CADM2: variants seen among roughly 807,000 people sequenced by gnomAD.
CADM2 encodes the protein cell adhesion molecule 2.
In CADM2, 12 loss-of-function variants were observed where a neutral mutation model predicts 49.8. That is an observed-to-expected ratio of 0.24 (90% CI 0.15 to 0.39). CADM2 has a LOEUF of 0.39. CADM2 is among the 10% of genes least tolerant of loss of function. The probability of loss-of-function intolerance (pLI) is 1.00; values close to 1 mark genes in which losing one functional copy is unlikely to be tolerated. For missense variants in CADM2, 378 were observed against 492.3 expected (o/e 0.77, Z 2.20); for synonymous variants, 214 against 175.4 (o/e 1.22, Z -1.74).
At chr3:85,082,222 G>T (rs1280323118) in intron 1 of CADM2, among the ~76,000 whole-genome samples, 1 of 152,112 alleles carries the variant, frequency 6.6e-6, no homozygotes, top group Non-Finnish European at 1.5e-5. Flanking sequence ...AGGCAGCAAA[G>T]AAGCATTGTA....
intron 1 of CADM2, among the ~76,000 whole-genome samples, chr3:85,163,989 A>G (rs1224710814): frequency 6.6e-6 from 1 of 152,004 alleles, no homozygotes; most frequent in Admixed American, 6.6e-5. Flanking sequence ...TTCTGTTTCT[A>G]TATATTTTTA....
intron 1 of CADM2, among the ~76,000 whole-genome samples, chr3:85,055,791 A>G (rs925879787): frequency 6.6e-6 from 1 of 151,996 alleles, no homozygotes; most frequent in Non-Finnish European, 1.5e-5. Context: ...GCACACTTTG[A>G]GTAGCTCTGG....
chr3:84,988,185 G>T (rs1223844256), intron 1 of CADM2, among the ~76,000 whole-genome samples: 1 of 152,232 alleles, frequency 6.6e-6, no homozygotes, highest in Non-Finnish European at 1.5e-5. Flanking sequence ...GAAACAAAGA[G>T]AGAGGGAGAG....
chr3:85,909,790 A>T (rs1336541555), intron 5 of CADM2, among the ~76,000 whole-genome samples: 1 of 152,190 alleles, frequency 6.6e-6, no homozygotes, highest in Non-Finnish European at 1.5e-5. Context: ...ATGTAAAGAA[A>T]ATTTCTGTTG....
intron 1 of CADM2, among the ~76,000 whole-genome samples, chr3:85,416,741 C>T (rs1254363650): frequency 3.3e-5 from 5 of 152,120 alleles, no homozygotes; most frequent in Non-Finnish European, 4.4e-5. Flanking sequence ...ATATGTATCA[C>T]ATTATAAGTC....
At chr3:85,498,323 G>T (rs935434393) in intron 1 of CADM2, among the ~76,000 whole-genome samples, 2 of 152,068 alleles carry the variant, frequency 1.3e-5, no homozygotes, top group African/African-American at 2.4e-5. Context: ...AACAACAACT[G>T]TTAGATAAGC....
At chr3:85,478,435 T>A (rs931097056) in intron 1 of CADM2, among the ~76,000 whole-genome samples, 1 of 151,884 alleles carries the variant, frequency 6.6e-6, no homozygotes, top group Non-Finnish European at 1.5e-5. Context: ...AAAACATGAG[T>A]ATGGTAATAT....
At chr3:85,534,659 A>G (rs1038097323) in intron 1 of CADM2, among the ~76,000 whole-genome samples, 2 of 152,184 alleles carry the variant, frequency 1.3e-5, no homozygotes, top group Non-Finnish European at 2.9e-5. Context: ...TGCAAAAGAC[A>G]TCTGCTGGCC....
chr3:85,338,928 G>A (rs1419877528), intron 1 of CADM2, among the ~76,000 whole-genome samples: 2 of 151,518 alleles, frequency 1.3e-5, no homozygotes, highest in African/African-American at 4.8e-5. Context: ...GGATGTTTAA[G>A]TTTTAAATAA....
chr3:85,176,200 G>A (rs181289074), intron 1 of CADM2, among the ~76,000 whole-genome samples: 28 of 152,042 alleles, frequency 1.8e-4, no homozygotes, highest in African/African-American at 6.0e-4. Context: ...TTCTAAGAAA[G>A]GTTTTGTCTT....
chr3:85,162,983 G>T (rs1030769345), intron 1 of CADM2, among the ~76,000 whole-genome samples: 2 of 151,884 alleles, frequency 1.3e-5, no homozygotes, highest in African/African-American at 4.8e-5. Flanking sequence ...ACAATTTGAT[G>T]ATCATCTACC....
chr3:85,420,372 C>T (rs1268662564), intron 1 of CADM2, among the ~76,000 whole-genome samples: 1 of 152,082 alleles, frequency 6.6e-6, no homozygotes, highest in African/African-American at 2.4e-5. Context: ...TTAGTTCTAC[C>T]TTTTGTCTTA....
chr3:85,598,003 C>T (rs1415417074), intron 1 of CADM2, among the ~76,000 whole-genome samples: 1 of 151,886 alleles, frequency 6.6e-6, no homozygotes, highest in Non-Finnish European at 1.5e-5. Context: ...CTTTTTGTAA[C>T]ATTTCTTTAG....
chr3:85,431,612 C>T lies in CADM2; in HGVS notation c.62-294910C>T, dbSNP rs1051082882. 1.5e-4 allele frequency among the ~76,000 whole-genome samples: 22 copies of T among 151,044 alleles called. No individual in the cohort carries two copies. In the Admixed American group the frequency reaches 1.5e-3, roughly 10 times the overall value. ...TAGAGTGGTTGAAATAAAAAGGACCCTGAGGAGAAGGAAGGATTTATTTGG... is the reference window on the plus strand; with the variant it reads ...TAGAGTGGTTGAAATAAAAAGGACCTTGAGGAGAAGGAAGGATTTATTTGG... On this transcript the variant is annotated intron_variant, in intron 1 of 9. Transcript: ENST00000383699.
At chr3:85,178,122 A>T (rs1426443643) in intron 1 of CADM2, among the ~76,000 whole-genome samples, 1 of 151,898 alleles carries the variant, frequency 6.6e-6, no homozygotes, top group African/African-American at 2.4e-5. Flanking sequence ...AATGTATATA[A>T]TGCTAGGAGG....
intron 3 of CADM2, chr3:85,805,338 A>G (rs904618200): frequency 6.6e-6 from 1 of 152,118 alleles, no homozygotes; most frequent in African/African-American, 2.4e-5. Context: ...TTGTAGTATG[A>G]TAGGTTTCTG....
chr3:85,783,081 T>C (rs1411139790), intron 2 of CADM2, among the ~76,000 whole-genome samples: 1 of 152,182 alleles, frequency 6.6e-6, no homozygotes, highest in Non-Finnish European at 1.5e-5. Flanking sequence ...ATATGCCAGT[T>C]GATGATTAGG....
chr3:85,642,507 G>A (rs1439433818), intron 1 of CADM2, among the ~76,000 whole-genome samples: 1 of 152,034 alleles, frequency 6.6e-6, no homozygotes, highest in African/African-American at 2.4e-5. Context: ...AAAAAAAGCT[G>A]TTGTCACTTT....
At chr3:85,691,602 T>C (rs1038543541) in intron 1 of CADM2, among the ~76,000 whole-genome samples, 10 of 152,178 alleles carry the variant, frequency 6.6e-5, no homozygotes, top group Admixed American at 5.2e-4. Flanking sequence ...AAATACCATT[T>C]GACCCAGCCA....
Sources: allele counts gnomAD v4.1 joint callset (sites outside exome capture counted in the v4.1 genomes callset), GRCh38; gene constraint gnomAD v4.1.1; transcripts MANE v1.5; gene names NCBI Gene and HGNC (gene_info 2026-07-23, HGNC 2026-07-21).